PRSS3: variants seen among roughly 807,000 people sequenced by gnomAD.
PRSS3 encodes serine protease 3.
A neutral mutation model predicts 20.8 loss-of-function variants in PRSS3; 14 were observed. That is an observed-to-expected ratio of 0.67 (90% CI 0.44 to 1.05). The LOEUF is 1.05. Among genes scored for constraint, PRSS3 ranks in the 50% least tolerant of loss-of-function variants. PRSS3 has a pLI of 0.00. For missense variants in PRSS3, 237 were observed against 306.4 expected, an observed-to-expected ratio of 0.77 and a Z score of 1.69; for synonymous variants, 91 against 117.6, an observed-to-expected ratio of 0.77 and a Z score of 1.46.
chr9:33,782,111 GA>G (rs746181447), intron 1 of PRSS3, among the ~76,000 whole-genome samples: 2 of 152,252 alleles, frequency 1.3e-5, no homozygotes, highest in Non-Finnish European at 2.9e-5. Flanking sequence ...GAGAGGAAGA[GA>G]AAGCCTTAAA....
chr9:33,782,799 T>C (rs1824238114), intron 1 of PRSS3, among the ~76,000 whole-genome samples: 1 of 152,100 alleles, frequency 6.6e-6, no homozygotes, highest in South Asian at 2.1e-4. Context: ...TTTGGGAAAA[T>C]AATAGTTTCT....
intron 1 of PRSS3, among the ~76,000 whole-genome samples, chr9:33,772,134 T>A (rs1823736959): frequency 6.6e-6 from 1 of 152,030 alleles, no homozygotes; most frequent in Non-Finnish European, 1.5e-5. Flanking sequence ...AGCCTCCCAA[T>A]GTGCTGGGAT....
chr9:33,764,929 G>A (rs920211042), intron 1 of PRSS3, among the ~76,000 whole-genome samples: 3 of 152,138 alleles, frequency 2.0e-5, no homozygotes, highest in African/African-American at 7.2e-5. Flanking sequence ...CTAATCATTA[G>A]GGAAACAAAA....
chr9:33,765,495 T>G (rs1823374592), intron 1 of PRSS3, among the ~76,000 whole-genome samples: 1 of 152,350 alleles, frequency 6.6e-6, no homozygotes, highest in African/African-American at 2.4e-5. Context: ...CTCTTTGGCA[T>G]ATTCAAACTG....
intron 1 of PRSS3, among the ~76,000 whole-genome samples, chr9:33,766,897 AC>A (rs1823459226): frequency 6.6e-6 from 1 of 152,064 alleles, no homozygotes; most frequent in South Asian, 2.1e-4. Flanking sequence ...CTGTTAGTAA[AC>A]CAAAAAATAC....
rs1825196609 is a variant in PRSS3, at chr9:33,799,108, C to A, written c.672C>A (p.Asn224Lys). 1.9e-6 allele frequency: 3 copies of A among 1,613,134 alleles called. No individual in the cohort carries two copies. Among genetic ancestry groups the A allele is most frequent in the Non-Finnish European group, 2.5e-6 (3 of 1,179,802 alleles). ...GGGGCCATGGCTGTGCCTGGAAGAA[C>A]AGGCCTGGAGTCTACACCAAGGTCT... ...VSWGHGCAWKNRPGVYTKVYN... is the reference protein window; with the variant it reads ...VSWGHGCAWKKRPGVYTKVYN... The change falls in exon 5 of 5, where the codon AAC becomes AAA. Residue 224 changes from asparagine (N) to lysine (K), a missense_variant. Asn to Lys is a moderately conservative substitution (Grantham distance 94, BLOSUM62 0). Coordinates refer to ENST00000379405, the MANE Select transcript of PRSS3 (RefSeq NM_002771.4).
Position 33,750,870 on chromosome 9 carries a change from G to C in PRSS3, c.-53+143G>C. ...GGGGGAGGGTACGCGGACAGGGAGG[G>C]GATACCGACTGGGAGGGGCTCAGGG... is the stretch of plus-strand genomic sequence containing the variant. On this transcript the variant is annotated intron_variant, in intron 1 of 5. Transcript: ENST00000342836. This position sits in a 1 kb window ranked among gnomAD's most constrained non-coding sequence, Gnocchi z 4.8. 1 of 1,377,488 alleles carries C rather than the reference G, an allele frequency of 7.3e-7. No individual in the cohort carries two copies. The highest frequency in any genetic ancestry group is 9.3e-7 in the Non-Finnish European group (1 of 1,072,184). 85.3% of individuals were successfully genotyped at this position (1,377,488 alleles called of 1,614,324 possible).
intron 1 of PRSS3, among the ~76,000 whole-genome samples, chr9:33,757,111 A>G (rs969456673): frequency 6.6e-6 from 1 of 152,204 alleles, no homozygotes; most frequent in African/African-American, 2.4e-5. Context: ...AGATGTATTT[A>G]TTATGTCATC....
chr9:33,785,647 T>C lies in PRSS3; in HGVS notation c.-52-9099T>C, dbSNP rs149160400. Among the ~76,000 whole-genome samples, 49 of 152,322 alleles carry C rather than the reference T, an allele frequency of 3.2e-4. No individual in the cohort carries two copies. The East Asian group carries it at 4.8e-3, about 15-fold the overall frequency. Reference sequence around the variant, plus strand: ...AACATATAAGAGACAATGCATTTAATTTGCAAATTGACAAATAAGGTAGGT... The same window carrying C: ...AACATATAAGAGACAATGCATTTAACTTGCAAATTGACAAATAAGGTAGGT... On this transcript the variant is annotated intron_variant, in intron 1 of 5. Transcript: ENST00000342836.
chr9:33,775,545 G>A (rs181286899), intron 1 of PRSS3, among the ~76,000 whole-genome samples: 14 of 152,242 alleles, frequency 9.2e-5, no homozygotes, highest in African/African-American at 3.4e-4. Context: ...AGCTCTTCAC[G>A]CATCCCTGGC....
intron 1 of PRSS3, among the ~76,000 whole-genome samples, chr9:33,758,536 T>C (rs1823051442): frequency 6.6e-6 from 1 of 152,234 alleles, no homozygotes; most frequent in Non-Finnish European, 1.5e-5. Context: ...CTCTTAATAC[T>C]AAAAAATTTA....
rs189269194 is a variant in PRSS3, at chr9:33,786,869, C to T, written c.-52-7877C>T. The T allele has an allele frequency of 7.5e-6, 5 of 662,936 alleles. No individual in the cohort carries two copies. In the East Asian group the frequency reaches 1.0e-4, roughly 14 times the overall value. 41.1% of individuals were successfully genotyped at this position (662,936 alleles called of 1,614,324 possible). ...AGATCAAAGATCTAAGCAAGAACCT[C>T]AGCTCCCTTCTACCCAGCTCCCCTC... is the stretch of plus-strand genomic sequence containing the variant. On this transcript the variant is annotated intron_variant, in intron 1 of 5. Coordinates refer to the PRSS3 transcript ENST00000342836.
chr9:33,769,538 AGG>A (rs1050029957), intron 1 of PRSS3, among the ~76,000 whole-genome samples: 7 of 152,246 alleles, frequency 4.6e-5, no homozygotes, highest in African/African-American at 1.7e-4. Context: ...GAAGAAATGA[AGG>A]AAGATTCTCA....
At chr9:33,788,293 T>C (rs1193306760) in intron 1 of PRSS3, among the ~76,000 whole-genome samples, 1 of 152,232 alleles carries the variant, frequency 6.6e-6, no homozygotes, top group African/African-American at 2.4e-5. Flanking sequence ...AGCCATACTC[T>C]TACCAGCCAA....
At chr9:33,793,953 A>C (rs143910185), upstream of PRSS3, among the ~76,000 whole-genome samples, 602 of 152,368 alleles carry the variant, frequency 4.0e-3, 1 homozygote, top group African/African-American at 0.013. Flanking sequence ...CAGCAGTGTT[A>C]GGTATGAGCC....
intron 1 of PRSS3, among the ~76,000 whole-genome samples, chr9:33,783,576 A>C (rs1824264378): frequency 6.6e-6 from 1 of 152,224 alleles, no homozygotes. Flanking sequence ...GCTTCTATAG[A>C]TGTTTGAAAA....
chr9:33,767,430 C>G (rs1823484935), intron 1 of PRSS3, among the ~76,000 whole-genome samples: 1 of 152,206 alleles, frequency 6.6e-6, no homozygotes, highest in Admixed American at 6.5e-5. Context: ...CCTCCAGTGC[C>G]TCAGAATATG....
chr9:33,776,732 A>C (rs575176447), intron 1 of PRSS3, among the ~76,000 whole-genome samples: 7 of 152,290 alleles, frequency 4.6e-5, no homozygotes, highest in Non-Finnish European at 1.0e-4. Flanking sequence ...AGGACACAGA[A>C]ACTTGATGTT....
chr9:33,784,912 T>C (rs917305491), intron 1 of PRSS3, among the ~76,000 whole-genome samples: 2 of 152,204 alleles, frequency 1.3e-5, no homozygotes, highest in African/African-American at 4.8e-5. Context: ...CACTTACTCC[T>C]GGATTATATG....
Sources: gnomAD v4.1 joint callset for allele counts (sites outside exome capture counted in the v4.1 genomes callset) on GRCh38, gnomAD v4.1.1 for gene constraint, Gnocchi (gnomAD v3.1) non-coding constraint, MANE v1.5 for transcripts, NCBI Gene and HGNC (gene_info 2026-07-23, HGNC 2026-07-21) for gene names.